The following JMJD6 variants were observed in gnomAD, a reference collection of about 807,000 sequenced individuals.
JMJD6 encodes bifunctional arginine demethylase and lysyl-hydroxylase JMJD6.
In JMJD6, 17 loss-of-function variants were observed where a neutral mutation model predicts 45.8. That is an observed-to-expected ratio of 0.37 (90% CI 0.25 to 0.56). The LOEUF (loss-of-function observed/expected upper bound fraction) is 0.56. Ranked by LOEUF, JMJD6 falls within the 20% of genes least tolerant of loss-of-function variation. The pLI is 0.79. For missense variants in JMJD6, 470 were observed against 517.5 expected (o/e 0.91, Z 0.89); for synonymous variants, 221 against 196.3 (o/e 1.13, Z -1.05).
Position 76,726,549 on chromosome 17 carries a change from G to A in JMJD6, c.-74C>T, listed in dbSNP as rs1279367534. 4.7e-6 allele frequency: 7 copies of A among 1,500,510 alleles called. No individual in the cohort carries two copies. Among genetic ancestry groups the A allele is most frequent in the Admixed American group, 4.6e-5 (2 of 43,698 alleles). The allele number at this position is 1,500,510 out of a possible 1,614,324, so 92.9% of individuals were successfully genotyped here. A position where few individuals can be genotyped will look rare whatever the true frequency, so the allele number is the denominator to read the frequency against. ...TCCTGACACTAACGCACCCCTCCCCGGCCTGGGCGGCGGCGACGGCAGTAC... is the reference window on the plus strand; with the variant it reads ...TCCTGACACTAACGCACCCCTCCCCAGCCTGGGCGGCGGCGACGGCAGTAC... On this transcript the variant is annotated 5_prime_UTR_variant, in exon 1 of 6. Transcript: ENST00000397625.
rs1413924737 is a variant in JMJD6 at position 76,725,523 on chromosome 17, C to T, written c.462G>A (p.Lys154=). 2 of 1,610,722 alleles carry T rather than the reference C, an allele frequency of 1.2e-6. No individual in the cohort carries two copies. The highest frequency in any genetic ancestry group is 1.1e-5 in the South Asian group (1 of 90,982). ...RKLLEDYKVP[K]FFTDDLFQYA... ...ACTGGAAAAGGTCATCAGTGAAAAACTTTGGCACCTTGTAGTCTTCCAAAA... is the reference window on the plus strand; with the variant it reads ...ACTGGAAAAGGTCATCAGTGAAAAATTTTGGCACCTTGTAGTCTTCCAAAA... The change falls in exon 2 of 6, where the codon AAG becomes AAA. Residue 154 remains lysine, a synonymous_variant. Transcript: ENST00000397625.
chr17:76,725,266 G>A (rs1007261851), intron 2 of JMJD6, among the ~76,000 whole-genome samples: 1 of 151,968 alleles, frequency 6.6e-6, no homozygotes. Flanking sequence ...AAATTAGCTG[G>A]GTGTGGTGGC....
chr17:76,717,288 T>C (rs1361158619), downstream of JMJD6, among the ~76,000 whole-genome samples: 1 of 152,182 alleles, frequency 6.6e-6, no homozygotes, highest in East Asian at 1.9e-4. Flanking sequence ...GCTCAAGTGA[T>C]CCTCCTGCCT....
At chr17:76,719,958 T>C (rs569556177) in intron 5 of JMJD6, among the ~76,000 whole-genome samples, 1 of 152,008 alleles carries the variant, frequency 6.6e-6, no homozygotes, top group East Asian at 1.9e-4. Context: ...CCTACTGAAG[T>C]ATACAGAGTT....
In JMJD6 at chr17:76,726,351, A is replaced by G; in HGVS notation, c.125T>C (p.Val42Ala). Residue 42 changes from valine (V) to alanine (A), a missense_variant, in exon 1 of 6, where the codon GTG becomes GCG. Val to Ala is a moderately conservative substitution (Grantham distance 64). This residue lies in a region of JMJD6 where 346 missense variants were observed against 339.5 expected (regional missense o/e 1.02). Transcript: ENST00000397625. ...ACCCCCGCCCGACCCGCTCACCGCC[A>G]CGGCCGCCGGGCTCAGCGAGAAGCT... The part of the protein sequence containing the change: ...YESFSLSPAA[V>A]ADNVERADAL... The G allele has an allele frequency of 6.3e-7, 1 of 1,580,398 alleles. No individual in the cohort carries two copies. Among genetic ancestry groups the G allele is most frequent in the South Asian group, 1.1e-5 (1 of 87,160 alleles).
At chr17:76,726,036 T>C (rs2076921042) in intron 1 of JMJD6, among the ~76,000 whole-genome samples, 181 bp from the exon 2 acceptor site, 1 of 152,186 alleles carries the variant, frequency 6.6e-6, no homozygotes. Context: ...CCACCCCCCA[T>C]GAGCCTTGAC....
At chr17:76,720,661 G>T in intron 4 of JMJD6, 163 bp from the exon 5 acceptor site, 2 of 628,002 alleles carry the variant, frequency 3.2e-6, no homozygotes, top group Non-Finnish European at 2.8e-6. Flanking sequence ...CCCAGGCTGG[G>T]AACAAGAGAA....
intron 2 of JMJD6, among the ~76,000 whole-genome samples, chr17:76,724,634 C>T (rs1008899195): frequency 2.0e-5 from 3 of 150,982 alleles, no homozygotes; most frequent in African/African-American, 4.9e-5. Context: ...CTGACCAATA[C>T]GGTGAAACCC....
chr17:76,721,478 C>A, intron 4 of JMJD6: 1 of 336,796 alleles, frequency 3.0e-6, no homozygotes, highest in Non-Finnish European at 5.7e-6. Flanking sequence ...CAAATAAAAC[C>A]CAAATAAAAT....
At chr17:76,720,170 T>C (rs1378120957) in intron 5 of JMJD6, among the ~76,000 whole-genome samples, 190 bp downstream of exon 5, 1 of 152,142 alleles carries the variant, frequency 6.6e-6, no homozygotes, top group Non-Finnish European at 1.5e-5. Context: ...TTCATGCACA[T>C]GTGCAAAGCT....
At chr17:76,718,293 G>T, downstream of JMJD6, 1 of 256,288 alleles carries the variant, frequency 3.9e-6, no homozygotes, top group Non-Finnish European at 6.1e-6. Flanking sequence ...TGCAGAAGAT[G>T]CCGGGTGACT....
intron 4 of JMJD6, chr17:76,721,368 C>G (rs1293236310): frequency 2.4e-6 from 1 of 419,834 alleles, no homozygotes; most frequent in East Asian, 7.1e-5. Flanking sequence ...TGTGGATAAA[C>G]AGAGGAGCTA....
chr17:76,724,477 T>G (rs972583887), intron 2 of JMJD6, among the ~76,000 whole-genome samples: 1 of 152,128 alleles, frequency 6.6e-6, no homozygotes, highest in East Asian at 1.9e-4. Flanking sequence ...TAAATTCTGG[T>G]ACACAGAAAC....
At chr17:76,723,387 ACT>A (rs1213504484) in intron 3 of JMJD6, among the ~76,000 whole-genome samples, 2 of 151,816 alleles carry the variant, frequency 1.3e-5, no homozygotes, top group African/African-American at 2.4e-5. Flanking sequence ...TTTTGGACTC[ACT>A]CTCTAACAGT....
At position 76,718,685 on chromosome 17, in the gene JMJD6, T is replaced by C. The variant is rs1226951059; in HGVS notation, c.*44A>G. 1.2e-6 allele frequency: 2 copies of C among 1,600,366 alleles called. No homozygotes were observed. The highest frequency in any genetic ancestry group is 2.2e-5 in the East Asian group (1 of 44,790). ...AGGCCACCCTCCCCAGGCCCTGCCC[T>C]TGCCGCGAGCGTGTCCTTCCATACA... is the stretch of plus-strand genomic sequence containing the variant. On this transcript the variant is annotated 3_prime_UTR_variant, in exon 6 of 6. Coordinates refer to ENST00000397625, the MANE Select transcript of JMJD6 (RefSeq NM_015167.3).
At position 76,720,180 on chromosome 17, in the gene JMJD6, T is replaced by C. The variant is rs564518790; in HGVS notation, c.1080+180A>G. Among the ~76,000 whole-genome samples, 12 of 152,290 alleles carry C rather than the reference T, an allele frequency of 7.9e-5. No homozygotes were observed. In the East Asian group the frequency reaches 1.7e-3, roughly 22 times the overall value. On this transcript the variant is annotated intron_variant, in intron 5 of 5. Coordinates refer to ENST00000397625, the MANE Select transcript of JMJD6 (RefSeq NM_015167.3). The stretch of plus-strand genomic sequence containing the variant: ...AAAAATTCATGCACATGTGCAAAGC[T>C]GTAAAATGGGCAAGATACACCACTC...
chr17:76,718,197 A>G (rs928154204), downstream of JMJD6, among the ~76,000 whole-genome samples: 2 of 148,122 alleles, frequency 1.4e-5, no homozygotes, highest in East Asian at 2.0e-4. Flanking sequence ...GACAAATCAG[A>G]GTTTTCTGCT....
At chr17:76,722,722 T>C (rs1318937670) in intron 3 of JMJD6, among the ~76,000 whole-genome samples, 1 of 151,664 alleles carries the variant, frequency 6.6e-6, no homozygotes. Context: ...GGCATGTGCC[T>C]GTATTCCCAG....
At chr17:76,716,812 G>A (rs137861156), downstream of JMJD6, 1,513 of 1,374,156 alleles carry the variant, frequency 1.1e-3, 12 homozygotes, top group South Asian at 8.3e-3. Context: ...CAGGACCCCC[G>A]GGACCCCACG....
Sources: allele counts gnomAD v4.1 joint callset (sites outside exome capture counted in the v4.1 genomes callset), GRCh38; gene constraint gnomAD v4.1.1; regional missense constraint gnomAD v4.1.1; transcripts MANE v1.5; gene names NCBI Gene and HGNC (gene_info 2026-07-23, HGNC 2026-07-21).